UBE2K: variants seen among roughly 807,000 people sequenced by gnomAD.
UBE2K encodes the protein ubiquitin-conjugating enzyme E2 K.
Under a neutral mutation model 30.0 loss-of-function variants are expected in UBE2K, and 6 were observed. The ratio of observed to expected loss-of-function variants is 0.20; its 90% confidence interval spans 0.11 to 0.39. The LOEUF (loss-of-function observed/expected upper bound fraction) is 0.39. Among genes scored for constraint, UBE2K ranks in the 10% least tolerant of loss-of-function variants. The pLI, the probability that UBE2K is intolerant of heterozygous loss-of-function variation, is 1.00. For synonymous variants in UBE2K, 86 were observed against 83.7 expected (o/e 1.03, Z -0.15); for missense variants, 61 against 241.6 (o/e 0.25, Z 4.96).
intron 4 of UBE2K, among the ~76,000 whole-genome samples, chr4:39,769,802 A>G (rs919458469): frequency 9.3e-5 from 14 of 151,218 alleles, no homozygotes; most frequent in African/African-American, 2.9e-4. Context: ...CCACATACAC[A>G]TGCGCCTCTA....
chr4:39,757,322 G>A (rs938890506), intron 4 of UBE2K, among the ~76,000 whole-genome samples: 5 of 151,928 alleles, frequency 3.3e-5, no homozygotes, highest in Admixed American at 1.3e-4. Flanking sequence ...CACCACACCC[G>A]GCCTAAGCTA....
intron 1 of UBE2K, among the ~76,000 whole-genome samples, chr4:39,725,729 A>G (rs1719718963): frequency 6.6e-6 from 1 of 151,956 alleles, no homozygotes; most frequent in Admixed American, 6.6e-5. Flanking sequence ...CACTGTGAGA[A>G]CCTCCTGCGT....
chr4:39,741,349 A>G (rs1395062518), intron 2 of UBE2K, among the ~76,000 whole-genome samples: 1 of 152,094 alleles, frequency 6.6e-6, no homozygotes, highest in East Asian at 1.9e-4. Flanking sequence ...TATGCTTTTT[A>G]TATATTTGAG....
chr4:39,745,659 A>G (rs1032157916), intron 2 of UBE2K, 93 bp from the exon 3 acceptor site: 25 of 785,090 alleles, frequency 3.2e-5, no homozygotes, highest in Admixed American at 5.8e-5. Context: ...ATAATTGAAT[A>G]TAAAATAGCT....
intron 1 of UBE2K, among the ~76,000 whole-genome samples, chr4:39,705,198 T>TG (rs1718276041): frequency 7.0e-6 from 1 of 142,116 alleles, no homozygotes; most frequent in Admixed American, 7.1e-5. Context: ...ACCTGGGTTT[T>TG]TTTTTTTTTT....
chr4:39,733,862 C>T (rs1408251502), intron 1 of UBE2K, among the ~76,000 whole-genome samples: 2 of 152,128 alleles, frequency 1.3e-5, no homozygotes, highest in Non-Finnish European at 2.9e-5. Flanking sequence ...TCATCTTTCA[C>T]CATTCTCCAT....
chr4:39,728,702 G>C lies in UBE2K; in HGVS notation c.64-8718G>C, dbSNP rs929507123. Among the ~76,000 whole-genome samples, 4 of 151,202 alleles carry C rather than the reference G, an allele frequency of 2.6e-5. No homozygotes were observed. In the East Asian group the frequency reaches 5.8e-4, roughly 22 times the overall value. ...CCCCAGGTGGGGAGTGCAGTTGTGC[G>C]ATCTCGGCTCACTGCAAGCTCCGCC... On this transcript the variant is annotated intron_variant, in intron 1 of 6. Transcript: ENST00000261427.
intron 2 of UBE2K, among the ~76,000 whole-genome samples, chr4:39,744,926 T>A (rs6531740): frequency 0.82 from 121,896 of 148,436 alleles, 50,465 homozygotes; most frequent in East Asian, 0.92. Context: ...AAAAATAAAT[T>A]AAATAAAATA....
intron 1 of UBE2K, among the ~76,000 whole-genome samples, chr4:39,730,882 T>C (rs1720036591): frequency 6.9e-6 from 1 of 143,908 alleles, no homozygotes. Flanking sequence ...TGATCTCTGC[T>C]CACTGCAACC....
chr4:39,761,728 T>C (rs1358959789), intron 4 of UBE2K, among the ~76,000 whole-genome samples: 1 of 152,230 alleles, frequency 6.6e-6, no homozygotes, highest in Non-Finnish European at 1.5e-5. Context: ...CACTACTTTG[T>C]AAATAGAAGA....
intron 4 of UBE2K, chr4:39,770,353 G>T: frequency 6.2e-7 from 1 of 1,613,562 alleles, no homozygotes; most frequent in South Asian, 1.1e-5. Context: ...TTGTTGCTGT[G>T]GTTGAACTCC....
intron 4 of UBE2K, among the ~76,000 whole-genome samples, chr4:39,757,462 T>C (rs1449300477): frequency 4.0e-5 from 2 of 50,110 alleles, no homozygotes; most frequent in Non-Finnish European, 6.8e-5. Flanking sequence ...TTACAGGTTT[T>C]GTTTTGTTTT....
chr4:39,714,517 C>CATATATATATAT (rs71645182), intron 1 of UBE2K: 7 of 41,632 alleles, frequency 1.7e-4, no homozygotes, highest in African/African-American at 8.0e-4. Flanking sequence ...TTAGAAGTTT[C>CATATATATATAT]ATATATATAT....
intron 3 of UBE2K, among the ~76,000 whole-genome samples, chr4:39,748,630 A>G (rs547542974): frequency 2.6e-5 from 4 of 151,926 alleles, no homozygotes; most frequent in Middle Eastern, 3.4e-3. Context: ...CAAAAAAAAA[A>G]AAAAAGAAAA....
chr4:39,731,941 G>A (rs1217626944), intron 1 of UBE2K, among the ~76,000 whole-genome samples: 2 of 151,982 alleles, frequency 1.3e-5, no homozygotes, highest in Admixed American at 1.3e-4. Flanking sequence ...ACTTTAGGGG[G>A]CATTTAGAAT....
chr4:39,732,191 A>T (rs1276085501), intron 1 of UBE2K, among the ~76,000 whole-genome samples: 1 of 152,190 alleles, frequency 6.6e-6, no homozygotes, highest in East Asian at 1.9e-4. Flanking sequence ...TCACCAGCGA[A>T]CCCTATGAGG....
At chr4:39,720,227 G>A (rs550860383) in intron 1 of UBE2K, among the ~76,000 whole-genome samples, 2 of 152,270 alleles carry the variant, frequency 1.3e-5, no homozygotes, top group East Asian at 3.9e-4. Context: ...TTGGATTTCT[G>A]TTGCATGTAA....
chr4:39,735,885 A>G (rs1720351038), intron 1 of UBE2K, among the ~76,000 whole-genome samples: 1 of 152,228 alleles, frequency 6.6e-6, no homozygotes, highest in Non-Finnish European at 1.5e-5. Flanking sequence ...CTATGTTTTT[A>G]TTAAAAAACA....
chr4:39,773,124 T>A (rs548781807), intron 4 of UBE2K, among the ~76,000 whole-genome samples: 22 of 152,318 alleles, frequency 1.4e-4, no homozygotes, highest in Non-Finnish European at 2.9e-4. Context: ...TGATGTAGTT[T>A]AATCCAAAAA....
Sources: allele counts gnomAD v4.1 joint callset (sites outside exome capture counted in the v4.1 genomes callset), GRCh38; gene constraint gnomAD v4.1.1; transcripts MANE v1.5; gene names NCBI Gene and HGNC (gene_info 2026-07-23, HGNC 2026-07-21).